The following PSPC1 variants were observed in gnomAD, a reference collection of about 807,000 sequenced individuals.
PSPC1 encodes the protein paraspeckle component 1, also known as paraspeckle protein 1.
A neutral mutation model predicts 51.6 loss-of-function variants in PSPC1; 14 were observed. The observed-to-expected ratio is 0.27, with a 90% CI of 0.18 to 0.42. The LOEUF (loss-of-function observed/expected upper bound fraction) is 0.42. Ranked by LOEUF, PSPC1 falls within the 10% of genes least tolerant of loss-of-function variation. The probability of loss-of-function intolerance (pLI) is 1.00; values close to 1 mark genes in which losing one functional copy is unlikely to be tolerated. For missense variants in PSPC1, 406 were observed against 701.1 expected (o/e 0.58, Z 4.75); for synonymous variants, 193 against 231.9 (o/e 0.83, Z 1.53).
intron 6 of PSPC1, among the ~76,000 whole-genome samples, chr13:19,688,636 C>A (rs78278318): frequency 6.6e-6 from 1 of 152,184 alleles, no homozygotes; most frequent in African/African-American, 2.4e-5. Context: ...ATCTACCCCA[C>A]GCTGGCTGCG....
At chr13:19,694,178 T>TACAC (rs373687009) in intron 6 of PSPC1, among the ~76,000 whole-genome samples, 3 of 118,704 alleles carry the variant, frequency 2.5e-5, no homozygotes, top group African/African-American at 6.5e-5. Context: ...CATACACACA[T>TACAC]ACACACACAC....
intron 4 of PSPC1, among the ~76,000 whole-genome samples, chr13:19,749,889 A>G (rs1886362694): frequency 6.6e-6 from 1 of 152,186 alleles, no homozygotes; most frequent in Non-Finnish European, 1.5e-5. Context: ...CTTAGGGTCC[A>G]AATTAAACCA....
At chr13:19,776,576 A>T (rs903218169) in intron 1 of PSPC1, among the ~76,000 whole-genome samples, 3 of 151,550 alleles carry the variant, frequency 2.0e-5, no homozygotes, top group African/African-American at 7.3e-5. Flanking sequence ...GCAGCTGCGC[A>T]ATCTCACTGC....
downstream of PSPC1, among the ~76,000 whole-genome samples, chr13:19,698,950 G>A (rs1879582053): frequency 6.6e-6 from 1 of 151,578 alleles, no homozygotes; most frequent in Admixed American, 6.6e-5. Context: ...ATTTCATCAG[G>A]TAAAAAAAAG....
Position 19,743,473 on chromosome 13 carries a change from T to C in PSPC1, c.968-1824A>G, listed in dbSNP as rs540223956. Among the ~76,000 whole-genome samples, 163 of 83,278 alleles carry C rather than the reference T, an allele frequency of 2.0e-3. 1 individual carries two copies. Among genetic ancestry groups the C allele is most frequent in the Non-Finnish European group, 4.2e-3 (131 of 30,838 alleles). 54.6% of individuals were successfully genotyped at this position (83,278 alleles called of 152,430 possible). On this transcript the variant is annotated intron_variant, in intron 4 of 8. Transcript: ENST00000338910. Reference sequence around the variant, plus strand: ...TTTACAGATTAAAAACAGACATTTATAAATTATGCAAAAAAAAAGGATTCA... The same window carrying C: ...TTTACAGATTAAAAACAGACATTTACAAATTATGCAAAAAAAAAGGATTCA...
At chr13:19,755,621 A>T (rs1195872206) in intron 3 of PSPC1, among the ~76,000 whole-genome samples, 1 of 151,974 alleles carries the variant, frequency 6.6e-6, no homozygotes, top group African/African-American at 2.4e-5. Context: ...ATGAATTATA[A>T]TCAACGCTAA....
intron 7 of PSPC1, among the ~76,000 whole-genome samples, chr13:19,677,400 C>T (rs992215086): frequency 7.2e-5 from 11 of 152,090 alleles, no homozygotes; most frequent in East Asian, 1.9e-4. Context: ...GTCATTTCCC[C>T]TCTTAGTCCA....
At chr13:19,770,968 A>T (rs566031507) in intron 2 of PSPC1, among the ~76,000 whole-genome samples, 6 of 151,730 alleles carry the variant, frequency 4.0e-5, no homozygotes, top group Non-Finnish European at 7.4e-5. Flanking sequence ...TTTTATTATT[A>T]TTTTTAATTT....
chr13:19,688,325 A>G (rs1292202767), intron 6 of PSPC1, among the ~76,000 whole-genome samples: 1 of 152,142 alleles, frequency 6.6e-6, no homozygotes, highest in Non-Finnish European at 1.5e-5. Context: ...AGATAATACT[A>G]GATAACCTCC....
rs189210896 is a variant in PSPC1, at chr13:19,750,192, G to C, written c.967+1079C>G. Among the ~76,000 whole-genome samples the C allele has an allele frequency of 1.4e-4, 22 of 152,248 alleles. 1 individual carries two copies. The South Asian group carries it at 3.7e-3, about 26-fold the overall frequency. On this transcript the variant is annotated intron_variant, in intron 4 of 8. Coordinates refer to ENST00000338910, the MANE Select transcript of PSPC1 (RefSeq NM_001354909.2). The stretch of plus-strand genomic sequence containing the variant: ...AAAGCCAAGATTAGATGGCAGAAAC[G>C]TTCAGCAGGAATGCTACTGCAGAAA...
intron 6 of PSPC1, among the ~76,000 whole-genome samples, chr13:19,721,014 T>C (rs1229914191): frequency 8.7e-6 from 1 of 114,478 alleles, no homozygotes; most frequent in Non-Finnish European, 1.9e-5. Flanking sequence ...ATCTCACTAG[T>C]TGTTACTTAA....
chr13:19,728,792 C>A (rs1401815229), intron 6 of PSPC1, among the ~76,000 whole-genome samples: 1 of 152,110 alleles, frequency 6.6e-6, no homozygotes, highest in Non-Finnish European at 1.5e-5. Flanking sequence ...CAGTGTTACA[C>A]AATTATCATA....
downstream of PSPC1, among the ~76,000 whole-genome samples, chr13:19,700,421 TTCACTAAGTGCTCAG>T (rs1435217067): frequency 1.3e-5 from 2 of 152,054 alleles, no homozygotes; most frequent in African/African-American, 4.8e-5. Flanking sequence ...TTCAATCTCT[TTCACTAAGTGCTCAG>T]CACTGATTTC....
intron 6 of PSPC1, among the ~76,000 whole-genome samples, chr13:19,686,551 C>G (rs1167241512): frequency 6.6e-6 from 1 of 152,144 alleles, no homozygotes; most frequent in Non-Finnish European, 1.5e-5. Flanking sequence ...ACAGCGGCTG[C>G]CCCTGGATAG....
At chr13:19,732,197 G>A (rs9578208) in intron 5 of PSPC1, among the ~76,000 whole-genome samples, 12,345 of 152,140 alleles carry the variant, frequency 0.081, 528 homozygotes, top group Middle Eastern at 0.13. Flanking sequence ...TAAGATTGTT[G>A]TCTTACTCTC....
chr13:19,688,041 C>A (rs1878128134), intron 6 of PSPC1, among the ~76,000 whole-genome samples: 1 of 151,984 alleles, frequency 6.6e-6, no homozygotes, highest in African/African-American at 2.4e-5. Flanking sequence ...GAAGTTGATA[C>A]CTAGGTATTT....
chr13:19,717,954 G>C (rs1882320583), intron 6 of PSPC1, among the ~76,000 whole-genome samples: 1 of 151,560 alleles, frequency 6.6e-6, no homozygotes, highest in Non-Finnish European at 1.5e-5. Context: ...CAACGCAGGA[G>C]GATCCCTTGA....
chr13:19,696,695 T>A (rs1464460163), intron 6 of PSPC1, among the ~76,000 whole-genome samples: 1 of 152,200 alleles, frequency 6.6e-6, no homozygotes, highest in East Asian at 1.9e-4. Flanking sequence ...TCTATTCATA[T>A]TCACCATGAG....
chr13:19,713,249 C>T (rs1881662300), intron 6 of PSPC1, among the ~76,000 whole-genome samples: 2 of 152,194 alleles, frequency 1.3e-5, no homozygotes, highest in Non-Finnish European at 2.9e-5. Flanking sequence ...TAAGCCAAAA[C>T]AACTTATTTG....
Sources: gnomAD v4.1 joint callset for allele counts (sites outside exome capture counted in the v4.1 genomes callset) on GRCh38, gnomAD v4.1.1 for gene constraint, MANE v1.5 for transcripts, NCBI Gene and HGNC (gene_info 2026-07-23, HGNC 2026-07-21) for gene names.